Variants in SRGAP2C observed in about 807,000 individuals in gnomAD.
SRGAP2C encodes SLIT-ROBO Rho GTPase-activating protein 2C.
SRGAP2C carries 15 observed loss-of-function variants against 25.1 expected under a neutral mutation model. The ratio of observed to expected loss-of-function variants is 0.60; its 90% CI spans 0.40 to 0.92. SRGAP2C has a LOEUF of 0.92. SRGAP2C is among the 40% of genes least tolerant of loss of function. The probability of loss-of-function intolerance (pLI) is 0.00; values close to 1 mark genes in which losing one functional copy is unlikely to be tolerated. For synonymous variants in SRGAP2C, 44 were observed against 96.6 expected (o/e 0.46, Z 3.19); for missense variants, 144 against 264.4 (o/e 0.54, Z 3.16).
chr1:121,255,109 A>G (rs1167491423), intron 2 of SRGAP2C, among the ~76,000 whole-genome samples: 1 of 151,812 alleles, frequency 6.6e-6, no homozygotes, highest in South Asian at 2.1e-4. Context: ...GCAGATACTG[A>G]CACTAGAAAT....
intron 2 of SRGAP2C, among the ~76,000 whole-genome samples, chr1:121,235,186 C>T (rs1655926204): frequency 7.1e-6 from 1 of 139,950 alleles, no homozygotes; most frequent in South Asian, 2.4e-4. Context: ...CGCCACCAGG[C>T]CCGGCTAATT....
Position 121,187,863 on chromosome 1 carries a change from C to T in SRGAP2C, c.67+350C>T, listed in dbSNP as rs1654560184. 2.0e-5 allele frequency among the ~76,000 whole-genome samples: 3 copies of T among 151,838 alleles called. No homozygotes were observed. The South Asian group carries it at 6.2e-4, about 32-fold the overall frequency. On this transcript the variant is annotated intron_variant, in intron 2 of 9. Transcript: ENST00000367123. ...CTCTGGGTCAGGTTTCCTTGAAAGA[C>T]AACTGAAATCTGACAGGTGTTTGGA...
At chr1:121,304,181 A>T (rs2101588234) in intron 3 of SRGAP2C, among the ~76,000 whole-genome samples, 1 of 140,196 alleles carries the variant, frequency 7.1e-6, no homozygotes, top group South Asian at 2.3e-4. Flanking sequence ...ACTGCACTCC[A>T]GCCTGGGTGA....
chr1:121,274,915 G>T (rs1374730507), intron 2 of SRGAP2C, among the ~76,000 whole-genome samples: 1 of 141,368 alleles, frequency 7.1e-6, no homozygotes, highest in Non-Finnish European at 1.5e-5. Context: ...ATACTCTTCT[G>T]TGTGAACCTT....
chr1:121,309,677 G>T (rs1224234784), intron 3 of SRGAP2C, among the ~76,000 whole-genome samples: 1 of 125,094 alleles, frequency 8.0e-6, no homozygotes. Flanking sequence ...TGCGGTGTTT[G>T]GTTTTTTGTT....
chr1:121,235,171 G>A (rs1215111542), intron 2 of SRGAP2C, among the ~76,000 whole-genome samples: 12 of 142,530 alleles, frequency 8.4e-5, no homozygotes, highest in African/African-American at 2.7e-4. Context: ...GGGACTACAG[G>A]CGCCCGCCAC....
chr1:121,345,572 G>A (rs587657818), intron 4 of SRGAP2C, among the ~76,000 whole-genome samples: 9 of 151,500 alleles, frequency 5.9e-5, no homozygotes, highest in African/African-American at 1.9e-4. Flanking sequence ...TTAAATGCTG[G>A]AAAAATTCTG....
chr1:121,235,026 CTT>C (rs587610530), intron 2 of SRGAP2C, among the ~76,000 whole-genome samples: 4 of 137,944 alleles, frequency 2.9e-5, no homozygotes, highest in Admixed American at 1.4e-4. Context: ...TTCTTTCTTT[CTT>C]TTTTTTTTTT....
intron 5 of SRGAP2C, among the ~76,000 whole-genome samples, chr1:121,368,394 G>T (rs1553350183): frequency 8.1e-6 from 1 of 122,806 alleles, no homozygotes; most frequent in Non-Finnish European, 1.7e-5. Context: ...GACAGAGCAA[G>T]ACTCTGTCTC....
At chr1:121,340,650 G>GA (rs1316618673) in intron 4 of SRGAP2C, among the ~76,000 whole-genome samples, 18 of 147,696 alleles carry the variant, frequency 1.2e-4, no homozygotes, top group Non-Finnish European at 2.4e-4. Context: ...TAGGATCTTG[G>GA]AAAAAAAACA....
intron 5 of SRGAP2C, among the ~76,000 whole-genome samples, chr1:121,367,036 C>A (rs1553349627): frequency 6.7e-6 from 1 of 149,288 alleles, no homozygotes; most frequent in South Asian, 2.2e-4. Flanking sequence ...GAGCTGCTAC[C>A]TCTGACTGCA....
In SRGAP2C at chr1:121,285,404, T is replaced by TCACACA. The variant is rs1343653361; in HGVS notation, c.260+425_260+430dup. Among the ~76,000 whole-genome samples the TCACACA allele has an allele frequency of 1.4e-4, 17 of 124,556 alleles. 1 individual carries two copies. The highest frequency in any genetic ancestry group is 3.8e-4 in the African/African-American group (13 of 34,140). 81.7% of individuals were successfully genotyped at this position (124,556 alleles called of 152,430 possible). A position where few individuals can be genotyped will look rare whatever the true frequency, so the allele number is the denominator to read the frequency against. ...ATCTTAATCTCTGTCTCTCTCTCTC[T>TCACACA]CACACACACACACACACACACTCAC... On this transcript the variant is annotated intron_variant, in intron 3 of 9. Transcript: ENST00000367123.
chr1:121,208,426 T>C lies in SRGAP2C; in HGVS notation c.67+20913T>C, dbSNP rs1655170341. On this transcript the variant is annotated intron_variant, in intron 2 of 9. Coordinates refer to ENST00000367123, the MANE Select transcript of SRGAP2C (RefSeq NM_001329984.2). ...AACAGTGACTTGGGTAGGGTAGACA[T>C]TAGGAAAGTGACTTAGCTGGTAAAT... Among the ~76,000 whole-genome samples, 2 of 151,832 alleles carry C rather than the reference T, an allele frequency of 1.3e-5. 1 individual carries two copies. Among genetic ancestry groups the C allele is most frequent in the South Asian group, 4.2e-4 (2 of 4,782 alleles).
intron 7 of SRGAP2C, among the ~76,000 whole-genome samples, chr1:121,379,005 C>T (rs1448834906): frequency 6.6e-6 from 1 of 152,126 alleles, no homozygotes; most frequent in Non-Finnish European, 1.5e-5. Flanking sequence ...TTTCCTCCCC[C>T]ATACTCTTCT....
At chr1:121,338,285 C>A (rs1658565392) in intron 4 of SRGAP2C, among the ~76,000 whole-genome samples, 2 of 150,142 alleles carry the variant, frequency 1.3e-5, no homozygotes, top group Non-Finnish European at 3.0e-5. Flanking sequence ...TTGACTTTAG[C>A]CTCCCTTGTT....
intron 2 of SRGAP2C, among the ~76,000 whole-genome samples, chr1:121,237,337 C>T (rs587606156): frequency 1.5e-4 from 23 of 151,486 alleles, no homozygotes; most frequent in South Asian, 4.2e-4. Context: ...TGGGCTCAAG[C>T]GAATTAATCC....
intron 2 of SRGAP2C, among the ~76,000 whole-genome samples, chr1:121,258,317 C>T (rs1656528665): frequency 6.6e-6 from 1 of 151,456 alleles, no homozygotes; most frequent in African/African-American, 2.4e-5. Context: ...TAGGGTGGTG[C>T]CCTTCCCACA....
At chr1:121,355,207 T>G (rs1659033149) in intron 4 of SRGAP2C, among the ~76,000 whole-genome samples, 1 of 145,934 alleles carries the variant, frequency 6.9e-6, no homozygotes, top group African/African-American at 2.5e-5. Flanking sequence ...AGTGAATGAT[T>G]AAACAACTAG....
At chr1:121,199,018 TATA>T (rs764228869) in intron 2 of SRGAP2C, among the ~76,000 whole-genome samples, 73 of 152,336 alleles carry the variant, frequency 4.8e-4, no homozygotes, top group Non-Finnish European at 9.6e-4. Flanking sequence ...TCTTGGCCCT[TATA>T]ATAATGATGA....
Sources: gnomAD v4.1 joint callset for allele counts (sites outside exome capture counted in the v4.1 genomes callset) on GRCh38, gnomAD v4.1.1 for gene constraint, MANE v1.5 for transcripts, NCBI Gene and HGNC (gene_info 2026-07-23, HGNC 2026-07-21) for gene names.